Variants in CHURC1 observed in about 807,000 individuals in gnomAD.
CHURC1 encodes the protein churchill domain containing 1.
A neutral mutation model predicts 15.4 loss-of-function variants in CHURC1; 12 were observed. The observed-to-expected ratio is 0.78, with a 90% CI of 0.50 to 1.27. CHURC1 has a LOEUF of 1.27. CHURC1 is among the 50% of genes most tolerant of loss of function. The probability of loss-of-function intolerance (pLI) is 0.00; values close to 1 mark genes in which losing one functional copy is unlikely to be tolerated. For synonymous variants in CHURC1, 42 were observed against 47.5 expected, an observed-to-expected ratio of 0.88 and a Z score of 0.48; for missense variants, 132 against 137.8, an observed-to-expected ratio of 0.96 and a Z score of 0.21.
intron 3 of CHURC1, 26 bp from the exon 4 acceptor site, chr14:64,932,112 T>C: frequency 6.2e-7 from 1 of 1,603,286 alleles, no homozygotes; most frequent in Non-Finnish European, 8.5e-7. Context: ...TTCCTCTAGG[T>C]AATTATGCAC....
chr14:64,931,373 A>G (rs1459877695), intron 3 of CHURC1, among the ~76,000 whole-genome samples: 1 of 152,104 alleles, frequency 6.6e-6, no homozygotes, highest in East Asian at 1.9e-4. Context: ...ATCTCTACAA[A>G]AAATTTAAAA....
intron 1 of CHURC1, among the ~76,000 whole-genome samples, chr14:64,916,690 G>A (rs1389755458): frequency 6.6e-6 from 1 of 152,074 alleles, no homozygotes; most frequent in Non-Finnish European, 1.5e-5. Context: ...CCATTCTCCT[G>A]CCTCAGCCTC....
rs373910233 is a variant in CHURC1 at position 64,932,241 on chromosome 14, A to G, written c.*11A>G. 71 of 1,613,544 alleles carry G rather than the reference A, an allele frequency of 4.4e-5. No individual in the cohort carries two copies. Among genetic ancestry groups the G allele is most frequent in the East Asian group, 1.6e-4 (7 of 44,870 alleles). On this transcript the variant is annotated 3_prime_UTR_variant, in exon 4 of 4. Transcript: ENST00000549115. Reference sequence around the variant, plus strand: ...ACTCTCTTATTCTAAGGATCCTTCTACAGATCTGTTATAACTATATTGTGT... The same window carrying G: ...ACTCTCTTATTCTAAGGATCCTTCTGCAGATCTGTTATAACTATATTGTGT...
chr14:64,921,525 A>G (rs10138506), intron 1 of CHURC1, among the ~76,000 whole-genome samples: 15,405 of 152,228 alleles, frequency 0.1, 1,030 homozygotes, highest in South Asian at 0.24. Flanking sequence ...TGGACATTTC[A>G]TAAAAGAAGA....
chr14:64,918,110 A>G (rs370436186), intron 1 of CHURC1, among the ~76,000 whole-genome samples: 1 of 152,384 alleles, frequency 6.6e-6, no homozygotes, highest in South Asian at 2.1e-4. Context: ...AAAATAAAGT[A>G]TAAGGAAGAA....
intron 3 of CHURC1, among the ~76,000 whole-genome samples, chr14:64,927,601 G>A (rs1265029561): frequency 6.6e-6 from 1 of 151,926 alleles, no homozygotes; most frequent in African/African-American, 2.4e-5. Context: ...AAATTACTCT[G>A]GGACAGGAAG....
At chr14:64,929,107 C>T (rs1305516803) in intron 3 of CHURC1, among the ~76,000 whole-genome samples, 1 of 152,188 alleles carries the variant, frequency 6.6e-6, no homozygotes, top group Non-Finnish European at 1.5e-5. Flanking sequence ...ATTCCCCAGA[C>T]TGCAGTTCTG....
intron 1 of CHURC1, among the ~76,000 whole-genome samples, chr14:64,922,940 T>C (rs1460320879): frequency 2.0e-5 from 3 of 152,192 alleles, no homozygotes; most frequent in Admixed American, 2.0e-4. Flanking sequence ...TCCTTGAAGG[T>C]AGCAACATGT....
rs1692255896 is a variant in CHURC1, at chr14:64,932,305, T to A, written c.*75T>A. ...AGCAAGCCTGATGGTTTGTCTTATT[T>A]CATTCATACTGAAAATTCTTTGCAT... On this transcript the variant is annotated 3_prime_UTR_variant, in exon 4 of 4. Coordinates refer to ENST00000549115, the MANE Select transcript of CHURC1 (RefSeq NM_001386928.1). 1 of 1,555,330 alleles carries A rather than the reference T, an allele frequency of 6.4e-7. No homozygotes were observed. Among genetic ancestry groups the A allele is most frequent in the Non-Finnish European group, 8.7e-7 (1 of 1,148,474 alleles).
At chr14:64,919,883 CA>C (rs1207585405) in intron 1 of CHURC1, among the ~76,000 whole-genome samples, 1 of 140,622 alleles carries the variant, frequency 7.1e-6, no homozygotes, top group Non-Finnish European at 1.5e-5. Flanking sequence ...GACCATGTCT[CA>C]AAAAGAAAAA....
rs1389270072 is a variant in CHURC1, at chr14:64,933,848, TA to T, written c.*1619del. 24 of 984,852 alleles carry T rather than the reference TA, an allele frequency of 2.4e-5. No individual in the cohort carries two copies. Among genetic ancestry groups the T allele is most frequent in the Non-Finnish European group, 2.9e-5 (24 of 829,506 alleles). 61.0% of individuals were successfully genotyped at this position (984,852 alleles called of 1,614,324 possible). A position where few individuals can be genotyped will look rare whatever the true frequency, so the allele number is the denominator to read the frequency against. ...AGTAATGATGATAATATCTGAGCTT[TA>T]TTAAGTACTTACTACATGCTAAGAG... On this transcript the variant is annotated 3_prime_UTR_variant, in exon 4 of 4. Transcript: ENST00000549115.
intron 3 of CHURC1, among the ~76,000 whole-genome samples, chr14:64,929,927 C>A (rs542235288): frequency 2.9e-4 from 41 of 141,946 alleles, no homozygotes; most frequent in African/African-American, 1.1e-3. Flanking sequence ...AAAAAAAACC[C>A]TCCTAGCAAA....
At chr14:64,923,218 A>G (rs1468059020) in intron 1 of CHURC1, among the ~76,000 whole-genome samples, 1 of 146,666 alleles carries the variant, frequency 6.8e-6, no homozygotes, top group Non-Finnish European at 1.5e-5. Flanking sequence ...AGATCATTTG[A>G]GCCCAGGAGT....
At chr14:64,917,074 C>T (rs1296716606) in intron 1 of CHURC1, among the ~76,000 whole-genome samples, 1 of 152,204 alleles carries the variant, frequency 6.6e-6, no homozygotes, top group African/African-American at 2.4e-5. Flanking sequence ...GACAGAACTC[C>T]ACAGGGCATT....
Position 64,932,221 on chromosome 14 carries a change from C to A in CHURC1, c.330C>A (p.Leu110=). ...CTGATGACCCCCGACAAATGACTCTCTTATTCTAAGGATCCTTCTACAGAT... is the reference window on the plus strand; with the variant it reads ...CTGATGACCCCCGACAAATGACTCTATTATTCTAAGGATCCTTCTACAGAT... ...ILPDDPRQMT[L]LF The change falls in exon 4 of 4, where the codon CTC becomes CTA. Residue 110 remains leucine, a synonymous_variant. Coordinates refer to ENST00000549115, the MANE Select transcript of CHURC1 (RefSeq NM_001386928.1). 1 of 1,614,048 alleles carries A rather than the reference C, an allele frequency of 6.2e-7. No individual in the cohort carries two copies. The highest frequency in any genetic ancestry group is 8.5e-7 in the Non-Finnish European group (1 of 1,179,936).
intron 2 of CHURC1, 122 bp downstream of exon 2, chr14:64,924,248 T>G: frequency 8.5e-7 from 1 of 1,175,806 alleles, no homozygotes; most frequent in Non-Finnish European, 1.1e-6. Flanking sequence ...AATTACTAGT[T>G]AGGTCTTTAA....
At chr14:64,921,250 G>A (rs1454297355) in intron 1 of CHURC1, among the ~76,000 whole-genome samples, 1 of 151,906 alleles carries the variant, frequency 6.6e-6, no homozygotes, top group South Asian at 2.1e-4. Context: ...AAAACTTCTA[G>A]AAAAAAATGT....
chr14:64,929,990 C>G (rs951036682), intron 3 of CHURC1, among the ~76,000 whole-genome samples: 39 of 151,392 alleles, frequency 2.6e-4, no homozygotes, highest in African/African-American at 9.0e-4. Context: ...AGAAACAAGA[C>G]AGAAACTATG....
At chr14:64,918,459 A>G (rs112052156) in intron 1 of CHURC1, among the ~76,000 whole-genome samples, 5,938 of 152,252 alleles carry the variant, frequency 0.039, 260 homozygotes, top group African/African-American at 0.11. Flanking sequence ...GTCATGACCT[A>G]TTTTTAAGTG....
Sources: allele counts gnomAD v4.1 joint callset (sites outside exome capture counted in the v4.1 genomes callset), GRCh38; gene constraint gnomAD v4.1.1; transcripts MANE v1.5; gene names NCBI Gene and HGNC (gene_info 2026-07-23, HGNC 2026-07-21).